CENPH: variants seen among roughly 807,000 people sequenced by gnomAD.
The protein encoded by CENPH is centromere protein H.
Under a neutral mutation model 42.9 loss-of-function variants are expected in CENPH, and 40 were observed. The ratio of observed to expected loss-of-function variants is 0.93; its 90% CI spans 0.72 to 1.21. CENPH has a LOEUF of 1.21. CENPH is among the 50% of genes most tolerant of loss of function. CENPH has a pLI of 0.00. For missense variants in CENPH, 302 were observed against 292.9 expected, an observed-to-expected ratio of 1.03 and a Z score of -0.23; for synonymous variants, 88 against 96.5, an observed-to-expected ratio of 0.91 and a Z score of 0.52.
intron 8 of CENPH, among the ~76,000 whole-genome samples, 179 bp from the exon 9 acceptor site, chr5:69,209,528 A>C (rs1187543903): frequency 6.6e-6 from 1 of 151,904 alleles, no homozygotes; most frequent in Non-Finnish European, 1.5e-5. Flanking sequence ...GACACAGAGC[A>C]AGACTCCGAC....
chr5:69,195,903 T>G, intron 4 of CENPH, 112 bp downstream of exon 4: 1 of 452,200 alleles, frequency 2.2e-6, no homozygotes, highest in Non-Finnish European at 3.9e-6. Flanking sequence ...AGCACAGTGA[T>G]GATTAGATAA....
chr5:69,202,623 C>A, intron 6 of CENPH, 54 bp downstream of exon 6: 1 of 1,012,298 alleles, frequency 9.9e-7, no homozygotes, highest in Non-Finnish European at 1.5e-6. Context: ...CTCTCAACTT[C>A]TTGCTGGTAA....
At chr5:69,195,283 C>G (rs373815678) in intron 3 of CENPH, among the ~76,000 whole-genome samples, 10 of 152,154 alleles carry the variant, frequency 6.6e-5, no homozygotes, top group African/African-American at 2.4e-4. Context: ...CCAGGCTGTT[C>G]TCAAACTCCT....
At chr5:69,195,670 C>A in intron 3 of CENPH, 47 bp from the exon 4 acceptor site, 2 of 1,086,916 alleles carry the variant, frequency 1.8e-6, no homozygotes, top group Non-Finnish European at 2.8e-6. Context: ...TCAATAATGT[C>A]TTTTTCTGAT....
At chr5:69,205,801 C>T (rs1380334578) in intron 7 of CENPH, among the ~76,000 whole-genome samples, 2 of 150,002 alleles carry the variant, frequency 1.3e-5, no homozygotes, top group Non-Finnish European at 3.0e-5. Flanking sequence ...CTCCACCTCC[C>T]GGGTTCACAC....
intron 5 of CENPH, among the ~76,000 whole-genome samples, chr5:69,198,155 C>T (rs184066329): frequency 1.2e-4 from 18 of 151,716 alleles, no homozygotes; most frequent in Non-Finnish European, 2.1e-4. Context: ...CTCCTGACCT[C>T]GTGATCCACC....
rs767689138 is a variant in CENPH at position 69,208,302 on chromosome 5, A to G, written c.594A>G (p.Ile198Met). The change falls in exon 8 of 9, where the codon ATA becomes ATG. Residue 198 changes from isoleucine (I) to methionine (M), a missense_variant. Ile to Met is a conservative substitution (Grantham distance 10, BLOSUM62 1). Coordinates refer to ENST00000283006, the MANE Select transcript of CENPH (RefSeq NM_022909.4). Reference protein sequence around the residue: ...SMENSERIKIIRQNLQMEIKI... With the variant: ...SMENSERIKIMRQNLQMEIKI... The stretch of plus-strand genomic sequence containing the variant: ...AAAACTCAGAGAGGATAAAGATCAT[A>G]CGACAAAACCTACAGATGGAGATAA... 2 of 1,602,480 alleles carry G rather than the reference A, an allele frequency of 1.2e-6. No homozygotes were observed. Among genetic ancestry groups the G allele is most frequent in the Non-Finnish European group, 1.7e-6 (2 of 1,169,818 alleles).
In CENPH at chr5:69,194,146, A is replaced by G. The variant is rs191748731; in HGVS notation, c.191-501A>G. On this transcript the variant is annotated intron_variant, in intron 2 of 8. Coordinates refer to ENST00000283006, the MANE Select transcript of CENPH (RefSeq NM_022909.4). The stretch of plus-strand genomic sequence containing the variant: ...ATTTGTTGATCCCTACACAAGTGCC[A>G]CATTGTCTTTGTTGGTTGATGTTTT... 2.1e-4 allele frequency among the ~76,000 whole-genome samples: 32 copies of G among 151,780 alleles called. No individual in the cohort carries two copies. The East Asian group carries it at 6.2e-3, about 29-fold the overall frequency.
intron 8 of CENPH, 67 bp downstream of exon 8, chr5:69,208,426 C>T: frequency 9.8e-7 from 1 of 1,022,786 alleles, no homozygotes; most frequent in East Asian, 2.6e-5. Flanking sequence ...GTGGCTCGAT[C>T]TCAGCTCATT....
chr5:69,194,051 G>A lies in CENPH; in HGVS notation c.191-596G>A, dbSNP rs1747923722. Among the ~76,000 whole-genome samples the A allele has an allele frequency of 2.0e-5, 3 of 152,120 alleles. No individual in the cohort carries two copies. In the South Asian group the frequency reaches 6.2e-4, roughly 32 times the overall value. ...CACATGTGGCCAGTGGCTATCCTAT[G>A]GGATAGCATAGATAGGAAACATTTC... On this transcript the variant is annotated intron_variant, in intron 2 of 8. Transcript: ENST00000283006.
At position 69,189,607 on chromosome 5, in the gene CENPH, G is replaced by A. The variant is rs1284562070; in HGVS notation, c.-28G>A. ...CCTTTTCTGAGCGCGTTTGCCTGTT[G>A]AGTGGTAGCCTTTCCCCTCAACCAG... is the stretch of plus-strand genomic sequence containing the variant. On this transcript the variant is annotated 5_prime_UTR_variant, in exon 1 of 9. Coordinates refer to ENST00000283006, the MANE Select transcript of CENPH (RefSeq NM_022909.4). 6.4e-7 allele frequency: 1 copy of A among 1,571,818 alleles called. No homozygotes were observed. The highest frequency in any genetic ancestry group is 1.2e-5 in the South Asian group (1 of 86,734).
chr5:69,193,861 G>A (rs966021554), intron 2 of CENPH, among the ~76,000 whole-genome samples: 1 of 151,940 alleles, frequency 6.6e-6, no homozygotes, highest in African/African-American at 2.4e-5. Context: ...ATGTTGGCCA[G>A]GCTGGTCTCT....
In CENPH at chr5:69,210,298, C is replaced by G. The variant is rs1748226469; in HGVS notation, c.*499C>G. 6.6e-6 allele frequency: 1 copy of G among 152,110 alleles called. No individual in the cohort carries two copies. The highest frequency in any genetic ancestry group is 2.1e-4 in the South Asian group (1 of 4,820). 9.4% of individuals were successfully genotyped at this position (152,110 alleles called of 1,614,324 possible). A position where few individuals can be genotyped will look rare whatever the true frequency, so the allele number is the denominator to read the frequency against. On this transcript the variant is annotated 3_prime_UTR_variant, in exon 9 of 9. Transcript: ENST00000283006. ...ACAGACGTAAGCCACCGAGCCTGGT[C>G]TAGTTTGCATTTTTTTTCTATCAGT...
At chr5:69,208,547 CG>C (rs896715783) in intron 8 of CENPH, among the ~76,000 whole-genome samples, 188 bp downstream of exon 8, 2 of 151,794 alleles carry the variant, frequency 1.3e-5, no homozygotes, top group African/African-American at 4.8e-5. Flanking sequence ...TTAGTAGAGA[CG>C]GGGTTTCACC....
intron 5 of CENPH, among the ~76,000 whole-genome samples, chr5:69,200,719 C>CTTTTTTTTGTTTTTTTTTTTTTTT: frequency 2.1e-5 from 1 of 46,900 alleles, no homozygotes; most frequent in Non-Finnish European, 4.2e-5. Flanking sequence ...ATCAGCGTAT[C>CTTTTTTTTGTTTTTTTTTTTTTTT]TTTTTTTTTT....
At chr5:69,208,972 T>A (rs148233690) in intron 8 of CENPH, among the ~76,000 whole-genome samples, 67,258 of 150,964 alleles carry the variant, frequency 0.45, 15,046 homozygotes, top group South Asian at 0.55. Flanking sequence ...TTTTTGTGTT[T>A]TTTGGTAGAG....
intron 5 of CENPH, among the ~76,000 whole-genome samples, chr5:69,202,012 G>A (rs750006520): frequency 3.3e-5 from 5 of 152,244 alleles, no homozygotes; most frequent in Non-Finnish European, 7.3e-5. Context: ...GGCTATGCAT[G>A]TGTCAGGGGT....
At chr5:69,204,583 C>T (rs1323996111) in intron 7 of CENPH, among the ~76,000 whole-genome samples, 2 of 135,248 alleles carry the variant, frequency 1.5e-5, no homozygotes, top group Non-Finnish European at 3.2e-5. Context: ...AGCTACCACA[C>T]CTGGCTTGTA....
chr5:69,190,749 G>T (rs372993288), intron 1 of CENPH, among the ~76,000 whole-genome samples: 5 of 152,112 alleles, frequency 3.3e-5, no homozygotes, highest in Admixed American at 1.3e-4. Flanking sequence ...AATTAGCTGG[G>T]CGTGGTGGCG....
Sources: gnomAD v4.1 joint callset for allele counts (sites outside exome capture counted in the v4.1 genomes callset) on GRCh38, gnomAD v4.1.1 for gene constraint, MANE v1.5 for transcripts, NCBI Gene and HGNC (gene_info 2026-07-23, HGNC 2026-07-21) for gene names.